The following ROBO2 variants were observed in gnomAD, a reference collection of about 807,000 sequenced individuals.
ROBO2 encodes roundabout guidance receptor 2, also known as roundabout homolog 2.
ROBO2 carries 53 observed loss-of-function variants against 160.8 expected under a neutral mutation model. The ratio of observed to expected loss-of-function variants is 0.33; its 90% CI spans 0.26 to 0.41. The LOEUF (loss-of-function observed/expected upper bound fraction) is 0.41, where lower values mean the gene tolerates loss of function less well. Among genes scored for constraint, ROBO2 ranks in the 10% least tolerant of loss-of-function variants. The pLI is 1.00. For missense variants in ROBO2, 1,577 were observed against 1,722.4 expected (o/e 0.92, Z 1.49); for synonymous variants, 664 against 611.7 (o/e 1.09, Z -1.26).
chr3:77,602,126 A>T, intron 19 of ROBO2, 84 bp from the exon 21 acceptor site: 17 of 1,367,422 alleles, frequency 1.2e-5, no homozygotes, highest in Non-Finnish European at 1.8e-5. Context: ...GCAGTGTGAC[A>T]CACTTATTTT....
chr3:76,151,880 A>C (rs907787368), intron 2 of ROBO2, among the ~76,000 whole-genome samples: 1 of 152,174 alleles, frequency 6.6e-6, no homozygotes, highest in African/African-American at 2.4e-5. Flanking sequence ...TCTCATTTTG[A>C]TAATTTATTT....
chr3:75,960,502 G>A (rs935743541), intron 2 of ROBO2, among the ~76,000 whole-genome samples: 4 of 151,594 alleles, frequency 2.6e-5, no homozygotes, highest in African/African-American at 9.7e-5. Context: ...AGATTATAGG[G>A]GTGGTTTCAT....
chr3:76,832,990 G>A (rs1159893198), intron 2 of ROBO2, among the ~76,000 whole-genome samples: 2 of 152,116 alleles, frequency 1.3e-5, no homozygotes, highest in African/African-American at 4.8e-5. Flanking sequence ...AACAAAGGGA[G>A]AGGTTAAAGT....
intron 2 of ROBO2, among the ~76,000 whole-genome samples, chr3:77,164,082 A>ACTC (rs1476769352): frequency 2.6e-4 from 39 of 152,110 alleles, no homozygotes; most frequent in African/African-American, 8.5e-4. Context: ...GAATGTTGAT[A>ACTC]CTCTGGTTGT....
intron 2 of ROBO2, among the ~76,000 whole-genome samples, chr3:76,977,364 G>A (rs974189256): frequency 3.3e-5 from 5 of 152,194 alleles, no homozygotes; most frequent in African/African-American, 1.2e-4. Flanking sequence ...GTGAGAGGGT[G>A]AATGGTCAGC....
intron 2 of ROBO2, among the ~76,000 whole-genome samples, chr3:76,126,827 A>G (rs1383487829): frequency 6.6e-6 from 1 of 152,090 alleles, no homozygotes; most frequent in Non-Finnish European, 1.5e-5. Context: ...ATAAAATAAC[A>G]TGTGTTTAAG....
Position 76,147,374 on chromosome 3 carries a change from TATTA to T in ROBO2, c.109+209777_109+209780del, listed in dbSNP as rs201983642. Among the ~76,000 whole-genome samples, 3,545 of 126,658 alleles carry T rather than the reference TATTA, an allele frequency of 0.028. 261 individuals carry two copies. The East Asian group carries it at 0.28, about 10-fold the overall frequency. 83.1% of individuals were successfully genotyped at this position (126,658 alleles called of 152,430 possible). On this transcript the variant is annotated intron_variant, in intron 2 of 26. Coordinates refer to the ROBO2 transcript ENST00000487694. ...TAATTTTTAATAATTAAGGAATCAA[TATTA>T]ATTATCTTATTAATTTTAATAAGTA...
intron 2 of ROBO2, 122 bp downstream of exon 2, chr3:77,098,462 G>C: frequency 9.7e-7 from 1 of 1,030,182 alleles, no homozygotes; most frequent in Non-Finnish European, 1.5e-6. Context: ...AATTTTACTT[G>C]GTCTTCTTCA....
intron 2 of ROBO2, among the ~76,000 whole-genome samples, chr3:76,414,844 A>AATT (rs2075687139): frequency 6.6e-6 from 1 of 152,270 alleles, no homozygotes; most frequent in Admixed American, 6.5e-5. Context: ...CAACAAAAAA[A>AATT]ATTATTCTAA....
chr3:77,564,618 A>G (rs2093426718), intron 11 of ROBO2: 1 of 426,336 alleles, frequency 2.3e-6, no homozygotes, highest in Non-Finnish European at 4.4e-6. Context: ...TACGAGGACC[A>G]TACTTATTGT....
chr3:77,154,911 G>A (rs1253419717), intron 2 of ROBO2, among the ~76,000 whole-genome samples: 1 of 151,776 alleles, frequency 6.6e-6, no homozygotes, highest in African/African-American at 2.4e-5. Flanking sequence ...GCTACCTATT[G>A]GGTACTAGAC....
intron 2 of ROBO2, among the ~76,000 whole-genome samples, chr3:76,997,007 G>A (rs1166234471): frequency 6.6e-6 from 1 of 152,020 alleles, no homozygotes; most frequent in Non-Finnish European, 1.5e-5. Flanking sequence ...GAAGTATTAA[G>A]ACATAATTAG....
chr3:76,317,733 A>AT (rs1037084122), intron 2 of ROBO2, among the ~76,000 whole-genome samples: 2 of 152,096 alleles, frequency 1.3e-5, no homozygotes, highest in South Asian at 4.1e-4. Context: ...TTATTAGAGT[A>AT]TTTTTTATAT....
intron 2 of ROBO2, among the ~76,000 whole-genome samples, chr3:77,340,699 T>A (rs1203744250): frequency 6.6e-6 from 1 of 152,132 alleles, no homozygotes; most frequent in East Asian, 1.9e-4. Flanking sequence ...TGGCTAGCTT[T>A]TGTATTTTAA....
chr3:76,035,642 T>C (rs2067081571), intron 2 of ROBO2, among the ~76,000 whole-genome samples: 1 of 152,062 alleles, frequency 6.6e-6, no homozygotes, highest in Admixed American at 6.5e-5. Context: ...CATACATTAG[T>C]TGAGTGCAAT....
At chr3:76,571,959 T>C (rs1012349206) in intron 2 of ROBO2, among the ~76,000 whole-genome samples, 13 of 152,164 alleles carry the variant, frequency 8.5e-5, no homozygotes, top group African/African-American at 1.7e-4. Context: ...CTGGATATCA[T>C]TGATGTATTC....
intron 2 of ROBO2, among the ~76,000 whole-genome samples, chr3:77,110,263 A>G (rs1267035643): frequency 2.0e-5 from 3 of 152,200 alleles, no homozygotes; most frequent in African/African-American, 7.2e-5. Context: ...TAAGTTTTAT[A>G]GAAAAAGAAA....
At chr3:76,377,854 T>C (rs2076424726) in intron 2 of ROBO2, among the ~76,000 whole-genome samples, 1 of 152,144 alleles carries the variant, frequency 6.6e-6, no homozygotes, top group Non-Finnish European at 1.5e-5. Flanking sequence ...CCAAACTTGG[T>C]GACATGTTTT....
At chr3:76,887,010 C>T (rs2148790263) in intron 2 of ROBO2, among the ~76,000 whole-genome samples, 1 of 152,216 alleles carries the variant, frequency 6.6e-6, no homozygotes, top group African/African-American at 2.4e-5. Flanking sequence ...GGATAGTTTT[C>T]TAAAGGTGTT....
Sources: gnomAD v4.1 joint callset for allele counts (sites outside exome capture counted in the v4.1 genomes callset) on GRCh38, gnomAD v4.1.1 for gene constraint, MANE v1.5 for transcripts, NCBI Gene and HGNC (gene_info 2026-07-23, HGNC 2026-07-21) for gene names.